CACNA2D1: variants seen among roughly 807,000 people sequenced by gnomAD.
CACNA2D1 encodes the protein calcium voltage-gated channel auxiliary subunit alpha2delta 1.
Under a neutral mutation model 171.5 loss-of-function variants are expected in CACNA2D1, and 53 were observed. The observed-to-expected ratio is 0.31, with a 90% CI of 0.25 to 0.39. The LOEUF is 0.39. CACNA2D1 is among the 10% of genes least tolerant of loss of function. The pLI, the probability that CACNA2D1 is intolerant of heterozygous loss-of-function variation, is 1.00. For synonymous variants in CACNA2D1, 442 were observed against 443.1 expected (o/e 1.00, Z 0.03); for missense variants, 903 against 1,299.8 (o/e 0.69, Z 4.69).
At chr7:82,200,115 T>C (rs1478602706) in intron 3 of CACNA2D1, among the ~76,000 whole-genome samples, 5 of 152,108 alleles carry the variant, frequency 3.3e-5, no homozygotes, top group Non-Finnish European at 7.4e-5. Flanking sequence ...TCTCTAAATA[T>C]GTGTGCAAAC....
chr7:82,427,431 T>C (rs1200302256), intron 1 of CACNA2D1, among the ~76,000 whole-genome samples: 1 of 152,182 alleles, frequency 6.6e-6, no homozygotes, highest in Admixed American at 6.5e-5. Flanking sequence ...CAATTATGTG[T>C]TGGATAGTGC....
rs539935010 is a variant in CACNA2D1 at position 82,078,929 on chromosome 7, T to A, written c.658+5840A>T. Among the ~76,000 whole-genome samples, 21 of 151,938 alleles carry A rather than the reference T, an allele frequency of 1.4e-4. No individual in the cohort carries two copies. The South Asian group carries it at 1.7e-3, about 12-fold the overall frequency. On this transcript the variant is annotated intron_variant, in intron 7 of 38. Transcript: ENST00000356860. ...GAGGAAAAAAAGAAAAAAGAAGAAG[T>A]GAGAAGAAAAAGGACAGACACCAAT...
intron 3 of CACNA2D1, among the ~76,000 whole-genome samples, chr7:82,195,327 T>C (rs1798739393): frequency 2.0e-5 from 3 of 151,790 alleles, no homozygotes; most frequent in Non-Finnish European, 4.4e-5. Flanking sequence ...GGGTGGGATA[T>C]GGTATTAGGG....
At chr7:81,986,356 T>TTTAA (rs150899848) in intron 21 of CACNA2D1, among the ~76,000 whole-genome samples, 1 of 147,530 alleles carries the variant, frequency 6.8e-6, no homozygotes, top group African/African-American at 2.5e-5. Flanking sequence ...GTGTAGATCC[T>TTTAA]TTAATTAATT....
intron 21 of CACNA2D1, among the ~76,000 whole-genome samples, chr7:81,984,984 G>A (rs1214052176): frequency 2.0e-5 from 3 of 152,030 alleles, no homozygotes; most frequent in Admixed American, 1.3e-4. Flanking sequence ...CAAGGAAGGA[G>A]TGTCATGGCC....
chr7:82,096,999 T>A (rs554884140), intron 6 of CACNA2D1, among the ~76,000 whole-genome samples: 1 of 152,218 alleles, frequency 6.6e-6, no homozygotes, highest in East Asian at 1.9e-4. Flanking sequence ...TATCAGAAAC[T>A]AAGCAAAGGT....
At chr7:81,965,812 C>T (rs1345334591) in intron 31 of CACNA2D1, 147 bp from the exon 32 acceptor site, 2 of 646,136 alleles carry the variant, frequency 3.1e-6, no homozygotes, top group East Asian at 2.7e-5. Flanking sequence ...TCATTAAATT[C>T]TGGTGAAATA....
intron 38 of CACNA2D1, among the ~76,000 whole-genome samples, chr7:81,957,747 T>C (rs933356904): frequency 6.6e-6 from 1 of 152,134 alleles, no homozygotes; most frequent in Non-Finnish European, 1.5e-5. Context: ...CACACCAAGC[T>C]ACTGAGCAAC....
At chr7:82,319,531 A>G (rs917181894) in intron 3 of CACNA2D1, among the ~76,000 whole-genome samples, 5 of 152,246 alleles carry the variant, frequency 3.3e-5, no homozygotes, top group Non-Finnish European at 5.9e-5. Flanking sequence ...TGTTCTGAGC[A>G]CATAAATATA....
intron 5 of CACNA2D1, among the ~76,000 whole-genome samples, chr7:82,133,174 T>G (rs1178842345): frequency 6.6e-6 from 1 of 152,198 alleles, no homozygotes; most frequent in Non-Finnish European, 1.5e-5. Context: ...CCAAATGCAA[T>G]AAATATTTAC....
chr7:82,286,432 A>G (rs1210166101), intron 3 of CACNA2D1, among the ~76,000 whole-genome samples: 1 of 152,144 alleles, frequency 6.6e-6, no homozygotes, highest in Non-Finnish European at 1.5e-5. Flanking sequence ...AAAACTACCT[A>G]CTCAAAATAA....
At chr7:82,203,073 C>T (rs939510687) in intron 3 of CACNA2D1, among the ~76,000 whole-genome samples, 13 of 152,114 alleles carry the variant, frequency 8.5e-5, no homozygotes, top group East Asian at 5.8e-4. Flanking sequence ...TCAAAGACTA[C>T]GTGCTGCAGC....
intron 4 of CACNA2D1, among the ~76,000 whole-genome samples, chr7:82,165,020 G>A (rs1203840112): frequency 6.6e-6 from 1 of 151,906 alleles, no homozygotes; most frequent in African/African-American, 2.4e-5. Context: ...CATCAATGAG[G>A]ATGATTCAGC....
chr7:82,108,934 T>A (rs76526465), intron 6 of CACNA2D1, among the ~76,000 whole-genome samples: 4,953 of 152,316 alleles, frequency 0.033, 110 homozygotes, highest in Middle Eastern at 0.088. Context: ...ATGTTAATTA[T>A]GTAAGCTAAT....
chr7:82,124,312 G>A (rs1352387761), intron 5 of CACNA2D1, among the ~76,000 whole-genome samples: 3 of 152,034 alleles, frequency 2.0e-5, no homozygotes. Flanking sequence ...TACTTCCTTT[G>A]CAAAACCCTC....
chr7:82,287,338 G>T (rs1354560548), intron 3 of CACNA2D1, among the ~76,000 whole-genome samples: 1 of 151,188 alleles, frequency 6.6e-6, no homozygotes, highest in Non-Finnish European at 1.5e-5. Flanking sequence ...TTATATTTAG[G>T]CAGGCAGTTT....
chr7:82,035,717 A>G (rs1803218291), intron 11 of CACNA2D1, among the ~76,000 whole-genome samples: 1 of 152,190 alleles, frequency 6.6e-6, no homozygotes, highest in Non-Finnish European at 1.5e-5. Flanking sequence ...GTGAGGGGAA[A>G]AAAAATACTA....
intron 1 of CACNA2D1, among the ~76,000 whole-genome samples, chr7:82,385,300 A>C (rs3801681): frequency 3.3e-5 from 5 of 152,166 alleles, no homozygotes; most frequent in African/African-American, 9.7e-5. Context: ...CTACAGAAGG[A>C]ATTATTAGTT....
chr7:82,376,408 G>C (rs1006991544), intron 1 of CACNA2D1, among the ~76,000 whole-genome samples: 16 of 152,106 alleles, frequency 1.1e-4, no homozygotes, highest in African/African-American at 3.9e-4. Flanking sequence ...TCCCAAATAG[G>C]AGGCTAATAT....
Sources: allele counts gnomAD v4.1 joint callset (sites outside exome capture counted in the v4.1 genomes callset), GRCh38; gene constraint gnomAD v4.1.1; transcripts MANE v1.5; gene names NCBI Gene and HGNC (gene_info 2026-07-23, HGNC 2026-07-21).